Variants in NINL observed in about 807,000 individuals in gnomAD.
The protein encoded by NINL is ninein-like protein.
In NINL, 153 loss-of-function variants were observed where a neutral mutation model predicts 160.3. The observed-to-expected ratio is 0.95, with a 90% CI of 0.84 to 1.09. The LOEUF (loss-of-function observed/expected upper bound fraction) is 1.09, where lower values mean the gene tolerates loss of function less well. Ranked by LOEUF, NINL falls within the 50% of genes least tolerant of loss-of-function variation. NINL has a pLI of 0.00. For synonymous variants in NINL, 800 were observed against 734.8 expected (o/e 1.09, Z -1.43); for missense variants, 1,829 against 1,764.0 (o/e 1.04, Z -0.66).
intron 5 of NINL, among the ~76,000 whole-genome samples, chr20:25,507,377 G>A (rs763475638): frequency 4.6e-5 from 7 of 152,028 alleles, no homozygotes; most frequent in Non-Finnish European, 7.4e-5. Context: ...GTCTTCAGCC[G>A]CTTATCTTCT....
intron 1 of NINL, among the ~76,000 whole-genome samples, chr20:25,554,773 C>T (rs544586759): frequency 4.7e-4 from 71 of 152,188 alleles, no homozygotes; most frequent in Non-Finnish European, 8.8e-4. Context: ...CACCTTTGCA[C>T]TCCAGCTTGA....
chr20:25,488,154 C>T (rs183589800), intron 13 of NINL, among the ~76,000 whole-genome samples: 13 of 152,348 alleles, frequency 8.5e-5, no homozygotes, highest in Admixed American at 5.9e-4. Flanking sequence ...GGCCTCCCAG[C>T]AGCCCACATG....
intron 1 of NINL, among the ~76,000 whole-genome samples, chr20:25,542,318 A>C (rs1232361232): frequency 3.3e-5 from 5 of 152,340 alleles, no homozygotes; most frequent in South Asian, 2.1e-4. Flanking sequence ...TGTGAAGAAC[A>C]GAAACTTCAG....
chr20:25,492,153 C>T (rs766443293), intron 10 of NINL, among the ~76,000 whole-genome samples: 4 of 152,142 alleles, frequency 2.6e-5, no homozygotes, highest in East Asian at 3.9e-4. Context: ...AGCCTGGTGA[C>T]GCCCATAACC....
intron 11 of NINL, among the ~76,000 whole-genome samples, chr20:25,490,495 G>A (rs1273703163): frequency 6.6e-6 from 1 of 151,566 alleles, no homozygotes; most frequent in Admixed American, 6.6e-5. Flanking sequence ...GGGAGGCGGG[G>A]CTTGCAGTGA....
Position 25,455,749 on chromosome 20 carries a change from C to T in NINL, c.3881G>A (p.Arg1294Gln), listed in dbSNP as rs201080954. The T allele has an allele frequency of 2.8e-5, 45 of 1,614,044 alleles. No homozygotes were observed. Among genetic ancestry groups the T allele is most frequent in the East Asian group, 1.6e-4 (7 of 44,894 alleles). Residue 1294 changes from arginine to glutamine, a missense_variant, in exon 23 of 24, where the codon CGG becomes CAG. Coordinates refer to ENST00000278886, the MANE Select transcript of NINL (RefSeq NM_025176.6). The part of the protein sequence containing the change: ...HEKQLKATEE[R>Q]VEEAEMILKN... ...CAGAATCATCTCCGCCTCTTCCACC[C>T]GCTCTTCTGTGGCTTTCAGCTGTTT...
chr20:25,521,499 A>G (rs1278265348), intron 2 of NINL, among the ~76,000 whole-genome samples: 1 of 152,152 alleles, frequency 6.6e-6, no homozygotes, highest in Non-Finnish European at 1.5e-5. Flanking sequence ...CCTTTATCAT[A>G]TGCTGGTCAT....
At chr20:25,578,741 G>A (rs1043154556) in intron 1 of NINL, among the ~76,000 whole-genome samples, 6 of 149,136 alleles carry the variant, frequency 4.0e-5, no homozygotes, top group African/African-American at 1.2e-4. Flanking sequence ...TGCAGTGAGC[G>A]GAGATCGCCC....
chr20:25,483,212 T>TA (rs1206717942), intron 13 of NINL, among the ~76,000 whole-genome samples: 1 of 151,276 alleles, frequency 6.6e-6, no homozygotes, highest in Non-Finnish European at 1.5e-5. Context: ...TGGGCACCTG[T>TA]AATCCCAGCT....
rs552135758 is a variant in NINL, at chr20:25,461,495, G to A, written c.3696+27C>T. 25 of 1,383,970 alleles carry A rather than the reference G, an allele frequency of 1.8e-5. No homozygotes were observed. In the South Asian group the frequency reaches 3.4e-4, roughly 19 times the overall value. 85.7% of individuals were successfully genotyped at this position (1,383,970 alleles called of 1,614,324 possible). Reference sequence around the variant, plus strand: ...CTGCTCCCAGGTGGGACTGGACCCAGTGCCTCCAGCCATCGCTCACACCCA... The same window carrying A: ...CTGCTCCCAGGTGGGACTGGACCCAATGCCTCCAGCCATCGCTCACACCCA... On this transcript the variant is annotated intron_variant, in intron 21 of 23. Transcript: ENST00000278886.
chr20:25,572,234 A>C (rs1398787449), intron 1 of NINL, among the ~76,000 whole-genome samples: 1 of 150,860 alleles, frequency 6.6e-6, no homozygotes, highest in Non-Finnish European at 1.5e-5. Flanking sequence ...TTTTAATGAG[A>C]CAATTGTTGC....
intron 1 of NINL, among the ~76,000 whole-genome samples, chr20:25,581,307 G>A (rs1024006352): frequency 1.3e-5 from 2 of 152,152 alleles, no homozygotes; most frequent in Non-Finnish European, 2.9e-5. Context: ...AGCTGAGCGT[G>A]GTCAGGCACA....
At chr20:25,533,479 A>G (rs1325075722) in intron 1 of NINL, among the ~76,000 whole-genome samples, 1 of 152,234 alleles carries the variant, frequency 6.6e-6, no homozygotes, top group Non-Finnish European at 1.5e-5. Context: ...GAAAGCTCCT[A>G]TAAAGTGTAT....
chr20:25,485,167 T>G (rs909049940), intron 13 of NINL, among the ~76,000 whole-genome samples: 3 of 152,198 alleles, frequency 2.0e-5, no homozygotes, highest in Non-Finnish European at 4.4e-5. Context: ...CCTGGGTAGA[T>G]GCACTGAGGG....
At chr20:25,482,466 G>C (rs1373419566) in intron 13 of NINL, among the ~76,000 whole-genome samples, 1 of 152,120 alleles carries the variant, frequency 6.6e-6, no homozygotes, top group Non-Finnish European at 1.5e-5. Flanking sequence ...TGCCTCCCAA[G>C]TAGCTGGGAT....
At chr20:25,542,551 T>A (rs1190776966) in intron 1 of NINL, among the ~76,000 whole-genome samples, 1 of 151,166 alleles carries the variant, frequency 6.6e-6, no homozygotes, top group African/African-American at 2.4e-5. Flanking sequence ...CTTAAAGAGA[T>A]CCACACTGAG....
chr20:25,577,709 T>A (rs2065130961), intron 1 of NINL, among the ~76,000 whole-genome samples: 1 of 152,202 alleles, frequency 6.6e-6, no homozygotes, highest in South Asian at 2.1e-4. Context: ...ATAGAGCTCC[T>A]GTGAGGTCCA....
intron 5 of NINL, chr20:25,509,575 G>A: frequency 4.5e-6 from 2 of 443,462 alleles, no homozygotes; most frequent in Non-Finnish European, 4.5e-6. Context: ...ATTATGCCAA[G>A]CCTGCTGCAA....
At chr20:25,581,787 T>C (rs1018337939) in intron 1 of NINL, among the ~76,000 whole-genome samples, 2 of 152,252 alleles carry the variant, frequency 1.3e-5, no homozygotes, top group Non-Finnish European at 2.9e-5. Flanking sequence ...TATTCTATTT[T>C]CCATCACCAA....
Sources: gnomAD v4.1 joint callset for allele counts (sites outside exome capture counted in the v4.1 genomes callset) on GRCh38, gnomAD v4.1.1 for gene constraint, MANE v1.5 for transcripts, NCBI Gene and HGNC (gene_info 2026-07-23, HGNC 2026-07-21) for gene names.